Variants in NKX2-2 observed in about 807,000 individuals in gnomAD.
NKX2-2 encodes NK2 homeobox 2, also known as homeobox protein Nkx-2.2.
A neutral mutation model predicts 24.6 loss-of-function variants in NKX2-2; 8 were observed. The observed-to-expected ratio is 0.32, with a 90% CI of 0.19 to 0.59. The LOEUF is 0.59. Ranked by LOEUF, NKX2-2 falls within the 20% of genes least tolerant of loss-of-function variation. The probability of loss-of-function intolerance (pLI) is 0.86; values close to 1 mark genes in which losing one functional copy is unlikely to be tolerated. For missense variants in NKX2-2, 381 were observed against 373.9 expected (o/e 1.02, Z -0.16); for synonymous variants, 217 against 173.3 (o/e 1.25, Z -1.98).
the NKX2-2 span, among the ~76,000 whole-genome samples, chr20:21,522,300 C>T: frequency 6.6e-6 from 1 of 152,194 alleles, no homozygotes; most frequent in Non-Finnish European, 1.5e-5. Context: ...CCGCCGTGAA[C>T]CCGAGCTCCG....
At position 21,513,303 on chromosome 20, in the gene NKX2-2, G is replaced by T. The variant is rs1039843824; in HGVS notation, c.259+108C>A. 2.5e-5 allele frequency: 30 copies of T among 1,216,242 alleles called. No individual in the cohort carries two copies. Among genetic ancestry groups the T allele is most frequent in the Non-Finnish European group, 3.4e-5 (30 of 895,292 alleles). The allele number at this position is 1,216,242 out of a possible 1,614,324, so 75.3% of individuals were successfully genotyped here. A position where few individuals can be genotyped will look rare whatever the true frequency, so the allele number is the denominator to read the frequency against. On this transcript the variant is annotated intron_variant, in intron 1 of 1. Coordinates refer to ENST00000377142, the MANE Select transcript of NKX2-2 (RefSeq NM_002509.4). The surrounding 1 kb of genome is among the most constrained non-coding windows in gnomAD (Gnocchi z 4.6). The stretch of plus-strand genomic sequence containing the variant: ...TCTTTCTACGGATCCGAGTGAGGGG[G>T]TCCGGGCTTACATGGCCCCTTCCCC...
chr20:21,515,601 G>C (rs914569998), upstream of NKX2-2, among the ~76,000 whole-genome samples: 8 of 151,888 alleles, frequency 5.3e-5, no homozygotes, highest in East Asian at 7.7e-4. Context: ...CTTTTTTGGG[G>C]GGGGGGTGCA....
the NKX2-2 span, among the ~76,000 whole-genome samples, chr20:21,519,413 T>C: frequency 6.6e-6 from 1 of 152,228 alleles, no homozygotes; most frequent in East Asian, 1.9e-4. Flanking sequence ...CAGCAAGGAT[T>C]AACGGCGCGG....
Position 21,511,877 on chromosome 20 carries a change from G to A in NKX2-2, c.*46C>T, listed in dbSNP as rs1349679521. On this transcript the variant is annotated 3_prime_UTR_variant, in exon 2 of 2. Transcript: ENST00000377142. ...AGGCCTCCTCGCCGCCACCGCCGCC[G>A]GGGTGGGGCCTGGGCCTGGGGCCGC... is the stretch of plus-strand genomic sequence containing the variant. The A allele has an allele frequency of 6.8e-7, 1 of 1,473,750 alleles. No individual in the cohort carries two copies. The highest frequency in any genetic ancestry group is 9.1e-7 in the Non-Finnish European group (1 of 1,104,314). 91.3% of individuals were successfully genotyped at this position (1,473,750 alleles called of 1,614,324 possible). A position where few individuals can be genotyped will look rare whatever the true frequency, so the allele number is the denominator to read the frequency against.
chr20:21,513,229 A>G lies in NKX2-2; in HGVS notation c.259+182T>C, dbSNP rs1261953125. Among the ~76,000 whole-genome samples, 1 of 152,232 alleles carries G rather than the reference A, an allele frequency of 6.6e-6. No homozygotes were observed. The highest frequency in any genetic ancestry group is 1.5e-5 in the Non-Finnish European group (1 of 68,042). On this transcript the variant is annotated intron_variant, in intron 1 of 1. Coordinates refer to ENST00000377142, the MANE Select transcript of NKX2-2 (RefSeq NM_002509.4). The surrounding 1 kb of genome is among the most constrained non-coding windows in gnomAD (Gnocchi z 4.6). The stretch of plus-strand genomic sequence containing the variant: ...GAGACCAAGTTCTTTCCCGGAACTA[A>G]GGAGGCTTGAAGAGGAGGGCAGAGG...
In NKX2-2 at chr20:21,511,161, G is replaced by A. The variant is rs1048484287; in HGVS notation, c.*762C>T. ...GAAGGCCCGGAGGACAGGGCAGAGG[G>A]CTCCCTGCCTACAGGGTTTTCTTTT... On this transcript the variant is annotated 3_prime_UTR_variant, in exon 2 of 2. Coordinates refer to ENST00000377142, the MANE Select transcript of NKX2-2 (RefSeq NM_002509.4). The A allele has an allele frequency of 1.3e-5, 2 of 152,684 alleles. No homozygotes were observed. The highest frequency in any genetic ancestry group is 6.5e-5 in the Admixed American group (1 of 15,288). 9.5% of individuals were successfully genotyped at this position (152,684 alleles called of 1,614,324 possible). A position where few individuals can be genotyped will look rare whatever the true frequency, so the allele number is the denominator to read the frequency against.
chr20:21,512,496 G>A lies in NKX2-2; in HGVS notation c.260-11C>T, dbSNP rs762274464. 6.5e-7 allele frequency: 1 copy of A among 1,540,254 alleles called. No homozygotes were observed. The highest frequency in any genetic ancestry group is 2.3e-5 in the East Asian group (1 of 43,786). ...CAGCCAGACCGTGCACTGGGGGGAG[G>A]GGGAGAGAGAAGCGCGTCAGGCGTC... On this transcript the variant is annotated splice_polypyrimidine_tract_variant and intron_variant, in intron 1 of 1. Coordinates refer to ENST00000377142, the MANE Select transcript of NKX2-2 (RefSeq NM_002509.4).
Position 21,512,055 on chromosome 20 carries a change from C to T in NKX2-2, c.690G>A (p.Ala230=), listed in dbSNP as rs1037261671. 1.9e-6 allele frequency: 3 copies of T among 1,613,766 alleles called. No homozygotes were observed. Among genetic ancestry groups the T allele is most frequent in the Admixed American group, 1.7e-5 (1 of 60,026 alleles). Residue 230 remains alanine (A), a synonymous_variant, in exon 2 of 2, where the codon GCG becomes GCA. Coordinates refer to ENST00000377142, the MANE Select transcript of NKX2-2 (RefSeq NM_002509.4). The part of the protein sequence containing the change: ...AQDLAAATFQ[A]GIPFSAYSAQ... ...CGCTGTAGGCAGAAAAGGGAATGCC[C>T]GCCTGGAAGGTGGCGGCTGCCAGGT...
chr20:21,518,284 G>T (rs1441512594), upstream of NKX2-2, among the ~76,000 whole-genome samples: 1 of 152,076 alleles, frequency 6.6e-6, no homozygotes, highest in Non-Finnish European at 1.5e-5. Context: ...CCCTCAACTC[G>T]ATCTTTATTA....
At chr20:21,521,893 C>T in the NKX2-2 span, among the ~76,000 whole-genome samples, 17 of 152,318 alleles carry the variant, frequency 1.1e-4, no homozygotes, top group Admixed American at 8.5e-4. Flanking sequence ...TACCCGGACC[C>T]CCCTCGCTCT....
chr20:21,522,283 C>T, the NKX2-2 span, among the ~76,000 whole-genome samples: 1 of 152,304 alleles, frequency 6.6e-6, no homozygotes, highest in African/African-American at 2.4e-5. Context: ...GGGCTCATAA[C>T]CGGGGTCCGC....
upstream of NKX2-2, among the ~76,000 whole-genome samples, chr20:21,515,597 T>TG (rs34811915): frequency 0.033 from 3,727 of 111,328 alleles, 65 homozygotes; most frequent in African/African-American, 0.057. Flanking sequence ...AAAACTTTTT[T>TG]GGGGGGGGGG....
rs1600261605 is a variant in NKX2-2 at position 21,513,743 on chromosome 20, G to A, written c.-74C>T. On this transcript the variant is annotated 5_prime_UTR_variant, in exon 1 of 2. Transcript: ENST00000377142. This position sits in a 1 kb window ranked among gnomAD's most constrained non-coding sequence, Gnocchi z 4.6. ...CAATTCGTGGCGCTCCCCTGCCCCG[G>A]CGGGCGGGGGAGGGGGGAGTTGGGG... 5.4e-5 allele frequency: 71 copies of A among 1,318,386 alleles called. No individual in the cohort carries two copies. The highest frequency in any genetic ancestry group is 6.9e-5 in the Non-Finnish European group (69 of 1,006,360). The allele number at this position is 1,318,386 out of a possible 1,614,324, so 81.7% of individuals were successfully genotyped here.
chr20:21,515,040 C>G (rs1019045263), upstream of NKX2-2, among the ~76,000 whole-genome samples: 19 of 150,626 alleles, frequency 1.3e-4, no homozygotes, highest in Non-Finnish European at 2.5e-4. Flanking sequence ...TTCTGCTTTG[C>G]GGGCGGTCCC....
At chr20:21,522,662 G>A in the NKX2-2 span, among the ~76,000 whole-genome samples, 1 of 151,594 alleles carries the variant, frequency 6.6e-6, no homozygotes, top group Non-Finnish European at 1.5e-5. Flanking sequence ...AGTCGCGGGC[G>A]GTCGGGCGGC....
chr20:21,515,737 C>A (rs569002663), upstream of NKX2-2, among the ~76,000 whole-genome samples: 106 of 152,276 alleles, frequency 7.0e-4, 1 homozygote, highest in Middle Eastern at 3.4e-3. Flanking sequence ...TTCCCACAAC[C>A]TGGGCTCCTC....
rs1393618479 is a variant in NKX2-2 at position 21,513,166 on chromosome 20, C to T, written c.259+245G>A. On this transcript the variant is annotated intron_variant, in intron 1 of 1. Coordinates refer to ENST00000377142, the MANE Select transcript of NKX2-2 (RefSeq NM_002509.4). The surrounding 1 kb of genome is among the most constrained non-coding windows in gnomAD (Gnocchi z 4.6). ...CCCCTGGGAGGTATAGCCCTTCTCC[C>T]TCTTTCTCCTTAACTTCTCGCATTG... Among the ~76,000 whole-genome samples the T allele has an allele frequency of 1.3e-5, 2 of 152,188 alleles. No individual in the cohort carries two copies. Among genetic ancestry groups the T allele is most frequent in the Non-Finnish European group, 2.9e-5 (2 of 68,020 alleles).
At chr20:21,512,641 C>T (rs549361436) in intron 1 of NKX2-2, among the ~76,000 whole-genome samples, 156 bp from the exon 2 acceptor site, 109 of 152,270 alleles carry the variant, frequency 7.2e-4, no homozygotes, top group Middle Eastern at 3.4e-3. Flanking sequence ...CCTTCCTCTA[C>T]GCCTGACGAA....
the NKX2-2 span, among the ~76,000 whole-genome samples, chr20:21,519,693 C>T: frequency 6.6e-6 from 1 of 152,226 alleles, no homozygotes; most frequent in Admixed American, 6.5e-5. Flanking sequence ...CCCAGGAGTA[C>T]TACCCCGTGC....
Sources: gnomAD v4.1 joint callset for allele counts (sites outside exome capture counted in the v4.1 genomes callset) on GRCh38, gnomAD v4.1.1 for gene constraint, Gnocchi (gnomAD v3.1) non-coding constraint, MANE v1.5 for transcripts, NCBI Gene and HGNC (gene_info 2026-07-23, HGNC 2026-07-21) for gene names.